Variants in RTL4 observed in about 807,000 individuals in gnomAD.
RTL4 encodes retrotransposon Gag like 4, also known as retrotransposon Gag-like protein 4.
RTL4 carries 4 observed loss-of-function variants against 5.3 expected under a neutral mutation model. The observed-to-expected ratio is 0.75, with a 90% CI of 0.37 to 1.72. RTL4 has a LOEUF of 1.72. Among genes scored for constraint, RTL4 ranks in the 40% most tolerant of loss-of-function variants. RTL4 has a pLI of 0.04. For synonymous variants in RTL4, 98 were observed against 87.3 expected, an observed-to-expected ratio of 1.12 and a Z score of -0.68; for missense variants, 260 against 227.1, an observed-to-expected ratio of 1.14 and a Z score of -0.93.
chrX:112,326,090 C>T, the RTL4 span, among the ~76,000 whole-genome samples: 1 of 112,136 alleles, frequency 8.9e-6, no homozygotes, highest in African/African-American at 3.2e-5. Flanking sequence ...ATCAAAACCA[C>T]AATGAGATAC....
At chrX:112,084,213 C>G in the RTL4 span, among the ~76,000 whole-genome samples, 1 of 111,153 alleles carries the variant, frequency 9.0e-6, no homozygotes, top group Non-Finnish European at 1.9e-5. Flanking sequence ...AGTGGAAGCC[C>G]TAAGCACTCT....
chrX:112,229,393 C>T, the RTL4 span, among the ~76,000 whole-genome samples: 1 of 112,087 alleles, frequency 8.9e-6, no homozygotes, highest in Non-Finnish European at 1.9e-5. Context: ...GAAATCGATG[C>T]ACAGAGAAAT....
the RTL4 span, among the ~76,000 whole-genome samples, chrX:112,245,336 C>G: frequency 2.7e-5 from 3 of 111,764 alleles, no homozygotes; most frequent in South Asian, 1.2e-3. Flanking sequence ...GTACACCAAT[C>G]CAATGTAGAT....
the RTL4 span, among the ~76,000 whole-genome samples, chrX:112,424,606 G>A: frequency 9.0e-6 from 1 of 111,308 alleles, no homozygotes; most frequent in East Asian, 2.8e-4. Context: ...GGCCCCATGT[G>A]AGAAGCAGGT....
At chrX:112,182,194 G>A in the RTL4 span, among the ~76,000 whole-genome samples, 1 of 111,743 alleles carries the variant, frequency 8.9e-6, no homozygotes, top group Middle Eastern at 4.2e-3. Context: ...CAACATCAAA[G>A]ACCAAAGGTA....
the RTL4 span, among the ~76,000 whole-genome samples, chrX:112,119,301 ATGTGTT>A: frequency 9.1e-6 from 1 of 110,467 alleles, no homozygotes; most frequent in Non-Finnish European, 1.9e-5. Context: ...TAAAGGAAAA[ATGTGTT>A]TGTGGGCTGA....
the RTL4 span, among the ~76,000 whole-genome samples, chrX:112,240,363 G>A: frequency 8.9e-6 from 1 of 111,966 alleles, no homozygotes; most frequent in Non-Finnish European, 1.9e-5. Context: ...TGTTACTGGA[G>A]TCTTGGAAGG....
At chrX:112,278,457 G>T in the RTL4 span, among the ~76,000 whole-genome samples, 1 of 111,941 alleles carries the variant, frequency 8.9e-6, no homozygotes, top group Non-Finnish European at 1.9e-5. Context: ...CTAACAAATG[G>T]CCCAGGCAGG....
At chrX:112,187,670 C>T in the RTL4 span, among the ~76,000 whole-genome samples, 1 of 111,679 alleles carries the variant, frequency 9.0e-6, no homozygotes, top group African/African-American at 3.3e-5. Context: ...AAGGACAAAC[C>T]TACCCACGGA....
the RTL4 span, among the ~76,000 whole-genome samples, chrX:112,398,413 T>A: frequency 3.1e-5 from 3 of 98,117 alleles, no homozygotes; most frequent in Non-Finnish European, 4.1e-5. Flanking sequence ...TTTTTTTTTT[T>A]TTTTGAGACA....
the RTL4 span, among the ~76,000 whole-genome samples, chrX:112,183,745 A>G: frequency 4.5e-3 from 501 of 112,043 alleles, 3 homozygotes; most frequent in African/African-American, 0.015. Context: ...GCAAACCACC[A>G]TGGCACATGT....
chrX:112,296,049 T>C, the RTL4 span, among the ~76,000 whole-genome samples: 1 of 112,105 alleles, frequency 8.9e-6, no homozygotes, highest in East Asian at 2.8e-4. Context: ...GGGGATAGGA[T>C]GAAAAATGCT....
chrX:112,148,327 CA>C, the RTL4 span, among the ~76,000 whole-genome samples: 3,217 of 62,027 alleles, frequency 0.052, 134 homozygotes, highest in African/African-American at 0.14. Context: ...TGACTGAGTG[CA>C]AAAAAAAAAA....
chrX:112,390,163 A>G, the RTL4 span, among the ~76,000 whole-genome samples: 1 of 60,651 alleles, frequency 1.6e-5, no homozygotes, highest in Non-Finnish European at 2.9e-5. Flanking sequence ...ATATATATTT[A>G]GGATCGTGGC....
At chrX:112,419,860 C>A in the RTL4 span, among the ~76,000 whole-genome samples, 1 of 108,469 alleles carries the variant, frequency 9.2e-6, no homozygotes, top group Non-Finnish European at 1.9e-5. Context: ...GAGCTTCTGG[C>A]AAAGGAAAAT....
chrX:112,222,613 ATC>A, the RTL4 span, among the ~76,000 whole-genome samples: 1 of 110,263 alleles, frequency 9.1e-6, no homozygotes, highest in Non-Finnish European at 1.9e-5. Context: ...CATGTCTGTG[ATC>A]CTAGCTGCTC....
rs750634577 is a variant in RTL4, at chrX:112,455,050, G to C, written c.322G>C (p.Glu108Gln). 2.5e-6 allele frequency: 3 copies of C among 1,210,071 alleles called. No homozygotes were observed. The African/African-American group carries it at 5.2e-5, about 21-fold the overall frequency. ...TTTTGATTACCTATCTCAGCAGTTA[G>C]AAAGTTGTGGGATCATATCTGGGCC... The change falls in exon 1 of 1, where the codon GAA becomes CAA. Residue 108 changes from glutamate to glutamine, a missense_variant. Physicochemically the swap from Glu to Gln is conservative, Grantham distance 29. Coordinates refer to ENST00000340433, the Ensembl canonical transcript of RTL4.
chrX:112,434,404 T>A, the RTL4 span, among the ~76,000 whole-genome samples: 1 of 111,695 alleles, frequency 9.0e-6, no homozygotes, highest in African/African-American at 3.3e-5. Context: ...ATTGCCACAA[T>A]TTCAGAGCCT....
the RTL4 span, among the ~76,000 whole-genome samples, chrX:112,234,029 G>A: frequency 2.9e-3 from 315 of 109,493 alleles, no homozygotes; most frequent in African/African-American, 9.6e-3. Context: ...CGTCTCTACT[G>A]AAAATACAAA....
Sources: allele counts gnomAD v4.1 joint callset (sites outside exome capture counted in the v4.1 genomes callset), GRCh38; gene constraint gnomAD v4.1.1; transcripts MANE v1.5; gene names NCBI Gene and HGNC (gene_info 2026-07-23, HGNC 2026-07-21).